Variants in DCT observed in about 807,000 individuals in gnomAD.
DCT encodes the protein dopachrome tautomerase, also known as L-dopachrome tautomerase.
Under a neutral mutation model 53.0 loss-of-function variants are expected in DCT, and 47 were observed. The ratio of observed to expected loss-of-function variants is 0.89; its 90% CI spans 0.70 to 1.13. DCT has a LOEUF of 1.13. Among genes scored for constraint, DCT ranks in the 50% most tolerant of loss-of-function variants. The pLI, the probability that DCT is intolerant of heterozygous loss-of-function variation, is 0.00. For missense variants in DCT, 669 were observed against 637.4 expected, an observed-to-expected ratio of 1.05 and a Z score of -0.53; for synonymous variants, 244 against 237.0, an observed-to-expected ratio of 1.03 and a Z score of -0.27.
the DCT span, among the ~76,000 whole-genome samples, chr13:94,508,262 A>G: frequency 6.6e-6 from 1 of 152,264 alleles, no homozygotes; most frequent in East Asian, 1.9e-4. Context: ...CAATAACACT[A>G]TGAGTTAGGC....
At chr13:94,454,162 G>T (rs777299335) in intron 6 of DCT, among the ~76,000 whole-genome samples, 3 of 152,132 alleles carry the variant, frequency 2.0e-5, no homozygotes, top group Non-Finnish European at 1.5e-5. Context: ...TTAGTAATAA[G>T]ACTACTGTAT....
intron 4 of DCT, among the ~76,000 whole-genome samples, chr13:94,462,809 T>C (rs1403420054): frequency 6.6e-6 from 1 of 152,194 alleles, no homozygotes; most frequent in Non-Finnish European, 1.5e-5. Flanking sequence ...TGCATTTGAA[T>C]CTTGAGTAAC....
At chr13:94,454,231 T>A (rs142005898) in intron 6 of DCT, among the ~76,000 whole-genome samples, 8 of 152,312 alleles carry the variant, frequency 5.3e-5, no homozygotes, top group African/African-American at 1.9e-4. Context: ...AGCTGTTTAG[T>A]ATTAATTATG....
chr13:94,491,262 G>A, the DCT span, among the ~76,000 whole-genome samples: 3 of 152,142 alleles, frequency 2.0e-5, no homozygotes, highest in Non-Finnish European at 4.4e-5. Context: ...TGATAGGGGC[G>A]GATCTTTTCC....
the DCT span, among the ~76,000 whole-genome samples, chr13:94,528,145 G>C: frequency 1.3e-5 from 2 of 152,280 alleles, no homozygotes; most frequent in Admixed American, 6.5e-5. Context: ...TATGTGAAAA[G>C]ACCAAATCTG....
chr13:94,536,470 G>C, the DCT span, among the ~76,000 whole-genome samples: 1 of 152,164 alleles, frequency 6.6e-6, no homozygotes, highest in Non-Finnish European at 1.5e-5. Context: ...GGAGGTGTTT[G>C]GGTCTTGGGG....
intron 3 of DCT, 84 bp from the exon 4 acceptor site, chr13:94,465,883 T>A (rs191275224): frequency 9.4e-7 from 1 of 1,059,362 alleles, no homozygotes; most frequent in Admixed American, 2.5e-5. Flanking sequence ...CTGATATGTA[T>A]CTGAACCAAA....
intron 3 of DCT, among the ~76,000 whole-genome samples, 169 bp from the exon 4 acceptor site, chr13:94,465,968 T>TTTTATATATATA (rs1486447194): frequency 1.3e-5 from 1 of 77,834 alleles, no homozygotes; most frequent in African/African-American, 5.7e-5. Context: ...TGTGTATATT[T>TTTTATATATATA]TATATATATA....
chr13:94,517,199 T>C, the DCT span, among the ~76,000 whole-genome samples: 455 of 152,314 alleles, frequency 3.0e-3, 1 homozygote, highest in African/African-American at 0.011. Flanking sequence ...CCCAACAACA[T>C]CGTTTCATTT....
In DCT at chr13:94,443,540, TGACCAATAGGGGCCA is replaced by T; in HGVS notation, c.1262_1276del (p.Leu421_Gly425del). 6.2e-7 allele frequency: 1 copy of T among 1,613,848 alleles called. No individual in the cohort carries two copies. Among genetic ancestry groups the T allele is most frequent in the Non-Finnish European group, 8.5e-7 (1 of 1,179,756 alleles). On this transcript the variant is annotated inframe_deletion, in exon 7 of 8. Transcript: ENST00000377028. The stretch of plus-strand genomic sequence containing the variant: ...AGGAACCATGTTGTACATCCGATTG[TGACCAATAGGGGCCA>T]GCTCCTGAGGCCAGGCATCTGCAGG...
At chr13:94,472,562 ATATATATTTTTTTT>A (rs1884799293) in intron 1 of DCT, among the ~76,000 whole-genome samples, 2 of 19,064 alleles carry the variant, frequency 1.0e-4, no homozygotes, top group South Asian at 2.2e-3. Flanking sequence ...ATATATATAT[ATATATATTTTTTTT>A]TTTTTTTTTT....
chr13:94,461,147 A>G lies in DCT; in HGVS notation c.1043+863T>C, dbSNP rs191541650. Reference sequence around the variant, plus strand: ...GCTATTAAAACAGATTGCATTTTCTATATGTTTGAGTTAGGGGAGTTGTTC... The same window carrying G: ...GCTATTAAAACAGATTGCATTTTCTGTATGTTTGAGTTAGGGGAGTTGTTC... On this transcript the variant is annotated intron_variant, in intron 5 of 7. Coordinates refer to ENST00000377028, the MANE Select transcript of DCT (RefSeq NM_001922.5). Among the ~76,000 whole-genome samples, 41 of 152,332 alleles carry G rather than the reference A, an allele frequency of 2.7e-4. No individual in the cohort carries two copies. The East Asian group carries it at 5.4e-3, about 20-fold the overall frequency.
At chr13:94,501,618 GAGACAA>G in the DCT span, among the ~76,000 whole-genome samples, 1 of 151,246 alleles carries the variant, frequency 6.6e-6, no homozygotes, top group East Asian at 1.9e-4. Context: ...TACTTATGCA[GAGACAA>G]AGACAGAGAC....
At chr13:94,466,725 G>A (rs1884250623) in intron 2 of DCT, 67 bp from the exon 3 acceptor site, 1 of 1,066,546 alleles carries the variant, frequency 9.4e-7, no homozygotes, top group Admixed American at 2.5e-5. Flanking sequence ...AATCTTACCT[G>A]GGCTGTATCT....
intron 6 of DCT, chr13:94,452,686 A>G (rs1883174701): frequency 1.4e-6 from 1 of 733,670 alleles, no homozygotes; most frequent in Non-Finnish European, 2.5e-6. Context: ...AACAGAAAAT[A>G]GTTTAAAATC....
At chr13:94,463,525 G>C (rs1261837537) in intron 4 of DCT, among the ~76,000 whole-genome samples, 2 of 151,702 alleles carry the variant, frequency 1.3e-5, no homozygotes, top group Non-Finnish European at 2.9e-5. Flanking sequence ...CCTGACCTCA[G>C]GTGATCCACC....
the DCT span, among the ~76,000 whole-genome samples, chr13:94,542,007 A>T: frequency 6.6e-6 from 1 of 152,156 alleles, no homozygotes; most frequent in Non-Finnish European, 1.5e-5. Context: ...CCCATTTTCT[A>T]GGTAATTTTA....
the DCT span, among the ~76,000 whole-genome samples, chr13:94,503,089 C>A: frequency 1.3e-5 from 2 of 152,212 alleles, no homozygotes; most frequent in East Asian, 3.9e-4. Flanking sequence ...TTTGAAAATA[C>A]AGTTAGGTTG....
At chr13:94,478,179 C>T (rs1034342014) in intron 1 of DCT, among the ~76,000 whole-genome samples, 3 of 137,356 alleles carry the variant, frequency 2.2e-5, no homozygotes, top group Non-Finnish European at 3.1e-5. Flanking sequence ...CCCAGCTCCT[C>T]GAGAAAGCTC....
Sources: gnomAD v4.1 joint callset for allele counts (sites outside exome capture counted in the v4.1 genomes callset) on GRCh38, gnomAD v4.1.1 for gene constraint, MANE v1.5 for transcripts, NCBI Gene and HGNC (gene_info 2026-07-23, HGNC 2026-07-21) for gene names.